Variants in GRB14 observed in about 807,000 individuals in gnomAD.
The protein encoded by GRB14 is growth factor receptor-bound protein 14.
Under a neutral mutation model 69.1 loss-of-function variants are expected in GRB14, and 38 were observed. That is an observed-to-expected ratio of 0.55 (90% CI 0.42 to 0.72). The LOEUF is 0.72. GRB14 is among the 30% of genes least tolerant of loss of function. The probability of loss-of-function intolerance (pLI) is 0.00; values close to 1 mark genes in which losing one functional copy is unlikely to be tolerated. For synonymous variants in GRB14, 247 were observed against 241.3 expected (o/e 1.02, Z -0.22); for missense variants, 666 against 666.1 (o/e 1.00, Z 0.00).
At chr2:164,550,726 T>TA (rs1009862197) in intron 2 of GRB14, among the ~76,000 whole-genome samples, 182 of 143,708 alleles carry the variant, frequency 1.3e-3, no homozygotes, top group Middle Eastern at 3.6e-3. Context: ...CATCCAACAA[T>TA]AAAAAAAAAA....
Position 164,614,588 on chromosome 2 carries a change from GGGT to G in GRB14, c.324+5096_324+5098del, listed in dbSNP as rs145958738. The stretch of plus-strand genomic sequence containing the variant: ...AAAACTACGTAGAGATGCAATGATG[GGGT>G]GTCCAGGATATACTTCAAAATACTT... On this transcript the variant is annotated intron_variant, in intron 2 of 13. Coordinates refer to ENST00000263915, the MANE Select transcript of GRB14 (RefSeq NM_004490.3). Among the ~76,000 whole-genome samples, 221 of 152,206 alleles carry G rather than the reference GGGT, an allele frequency of 1.5e-3. 3 individuals carry two copies. In the East Asian group the frequency reaches 0.038, roughly 26 times the overall value.
chr2:164,560,562 T>C (rs1688796887), intron 2 of GRB14, among the ~76,000 whole-genome samples: 1 of 152,176 alleles, frequency 6.6e-6, no homozygotes, highest in Non-Finnish European at 1.5e-5. Flanking sequence ...AAATGATTTC[T>C]ACATATTAAA....
intron 2 of GRB14, among the ~76,000 whole-genome samples, chr2:164,613,883 G>T (rs912613140): frequency 1.3e-5 from 2 of 152,168 alleles, no homozygotes; most frequent in Non-Finnish European, 2.9e-5. Flanking sequence ...CCTCAGTTTT[G>T]AAAGGTCCAA....
intron 2 of GRB14, among the ~76,000 whole-genome samples, chr2:164,616,303 C>T (rs1041531333): frequency 1.3e-5 from 2 of 151,438 alleles, no homozygotes; most frequent in Non-Finnish European, 2.9e-5. Context: ...GCAGGCACCT[C>T]TAGTCCCAGC....
chr2:164,529,242 G>T (rs962836601), intron 3 of GRB14, among the ~76,000 whole-genome samples: 4 of 152,174 alleles, frequency 2.6e-5, no homozygotes, highest in African/African-American at 9.7e-5. Context: ...AATGGTGGCT[G>T]CCAGGGGTAG....
intron 6 of GRB14, among the ~76,000 whole-genome samples, chr2:164,509,803 A>C (rs1339141804): frequency 1.3e-5 from 2 of 151,140 alleles, no homozygotes; most frequent in East Asian, 1.9e-4. Context: ...AAAAAAAAAA[A>C]AAAAAAAAAA....
chr2:164,595,259 T>C (rs1689755807), intron 2 of GRB14, among the ~76,000 whole-genome samples: 2 of 152,226 alleles, frequency 1.3e-5, no homozygotes, highest in Non-Finnish European at 2.9e-5. Flanking sequence ...AAAGGTTTAC[T>C]GTGCCAAAGG....
chr2:164,566,437 T>C (rs1474163837), intron 2 of GRB14, among the ~76,000 whole-genome samples: 1 of 152,138 alleles, frequency 6.6e-6, no homozygotes, highest in Non-Finnish European at 1.5e-5. Context: ...AAAAATAGCA[T>C]AGACTTGAGT....
At chr2:164,598,527 C>T (rs1689840713) in intron 2 of GRB14, among the ~76,000 whole-genome samples, 1 of 152,126 alleles carries the variant, frequency 6.6e-6, no homozygotes, top group Non-Finnish European at 1.5e-5. Context: ...TAATCGTTTA[C>T]ATAGGACAAA....
chr2:164,539,257 T>C (rs1159210455), intron 3 of GRB14, among the ~76,000 whole-genome samples: 2 of 152,120 alleles, frequency 1.3e-5, no homozygotes, highest in South Asian at 2.1e-4. Context: ...GATGGATCAC[T>C]TGAGGTCAGG....
intron 6 of GRB14, among the ~76,000 whole-genome samples, chr2:164,520,281 G>T (rs1687604612): frequency 6.6e-6 from 1 of 152,102 alleles, no homozygotes. Context: ...AACAAATGGT[G>T]CTGGGATAAT....
chr2:164,574,921 C>A (rs1365902242), intron 2 of GRB14, among the ~76,000 whole-genome samples: 1 of 151,410 alleles, frequency 6.6e-6, no homozygotes, highest in Non-Finnish European at 1.5e-5. Context: ...CAGAGGGAGA[C>A]CCTATCTCAA....
intron 3 of GRB14, among the ~76,000 whole-genome samples, chr2:164,529,743 T>C (rs1489864500): frequency 1.3e-5 from 2 of 152,210 alleles, no homozygotes; most frequent in Non-Finnish European, 2.9e-5. Context: ...TACTTTCTCA[T>C]TCTTCTAATC....
At chr2:164,573,598 T>C (rs1689170188) in intron 2 of GRB14, 1 of 1,202,470 alleles carries the variant, frequency 8.3e-7, no homozygotes. Flanking sequence ...TCACCCTTTA[T>C]ATAATAGTTT....
chr2:164,516,209 C>T (rs1233456897), intron 6 of GRB14, among the ~76,000 whole-genome samples: 1 of 151,940 alleles, frequency 6.6e-6, no homozygotes, highest in Non-Finnish European at 1.5e-5. Flanking sequence ...ACAAGAAGCT[C>T]AAAGAACACC....
intron 2 of GRB14, among the ~76,000 whole-genome samples, chr2:164,612,137 C>T (rs754344061): frequency 6.6e-6 from 1 of 152,154 alleles, no homozygotes; most frequent in Non-Finnish European, 1.5e-5. Context: ...CATCTTTCCA[C>T]AGAAGCAATT....
intron 5 of GRB14, 67 bp from the exon 6 acceptor site, chr2:164,522,184 A>G: frequency 1.2e-6 from 1 of 854,422 alleles, no homozygotes; most frequent in Admixed American, 2.3e-5. Context: ...TATACTAATC[A>G]TATTAAGATT....
intron 2 of GRB14, among the ~76,000 whole-genome samples, chr2:164,569,885 A>G (rs1450523322): frequency 2.0e-5 from 3 of 152,202 alleles, no homozygotes; most frequent in Non-Finnish European, 4.4e-5. Flanking sequence ...GCAAATACCA[A>G]CTAATACAGC....
At chr2:164,575,762 G>A (rs1689236716) in intron 2 of GRB14, among the ~76,000 whole-genome samples, 2 of 152,078 alleles carry the variant, frequency 1.3e-5, no homozygotes, top group African/African-American at 4.8e-5. Context: ...CTTTCCTACA[G>A]TTACATTTAT....
Sources: allele counts gnomAD v4.1 joint callset (sites outside exome capture counted in the v4.1 genomes callset), GRCh38; gene constraint gnomAD v4.1.1; transcripts MANE v1.5; gene names NCBI Gene and HGNC (gene_info 2026-07-23, HGNC 2026-07-21).